Variants in ELP1 observed in about 807,000 individuals in gnomAD.
ELP1 encodes the protein elongator acetyltransferase complex subunit 1.
A neutral mutation model predicts 183.2 loss-of-function variants in ELP1; 131 were observed. That is an observed-to-expected ratio of 0.72 (90% CI 0.62 to 0.83). The LOEUF (loss-of-function observed/expected upper bound fraction) is 0.83, where lower values mean the gene tolerates loss of function less well. Among genes scored for constraint, ELP1 ranks in the 40% least tolerant of loss-of-function variants. The probability of loss-of-function intolerance (pLI) is 0.00; values close to 1 mark genes in which losing one functional copy is unlikely to be tolerated. For missense variants in ELP1, 1,550 were observed against 1,594.9 expected (o/e 0.97, Z 0.48); for synonymous variants, 555 against 569.0 (o/e 0.98, Z 0.35).
rs1460384191 is a variant in ELP1, at chr9:108,918,796, T to C, written c.740+15A>G. On this transcript the variant is annotated intron_variant, in intron 8 of 36. Coordinates refer to ENST00000374647, the MANE Select transcript of ELP1 (RefSeq NM_003640.5). ...TGGTTCCAAGAATTTCTCTAAGGTTTCTTCTCCCACTCACTTCCAAGCCAG... is the reference window on the plus strand; with the variant it reads ...TGGTTCCAAGAATTTCTCTAAGGTTCCTTCTCCCACTCACTTCCAAGCCAG... The C allele has an allele frequency of 6.3e-7, 1 of 1,597,514 alleles. No homozygotes were observed. Among genetic ancestry groups the C allele is most frequent in the African/African-American group, 1.3e-5 (1 of 74,600 alleles).
intron 26 of ELP1, among the ~76,000 whole-genome samples, 156 bp from the exon 27 acceptor site, chr9:108,893,239 T>G (rs1258891979): frequency 1.3e-5 from 2 of 152,204 alleles, no homozygotes; most frequent in African/African-American, 2.4e-5. Context: ...ATTTGAATTT[T>G]TAATGAGCAC....
rs186360877 is a variant in ELP1 at position 108,916,815 on chromosome 9, T to C, written c.865-518A>G. On this transcript the variant is annotated intron_variant, in intron 9 of 36. Coordinates refer to ENST00000374647, the MANE Select transcript of ELP1 (RefSeq NM_003640.5). ...CTACTGAAAGTGAGTAATAGTTACA[T>C]GGGAGTTCATTAAACTCGTCTCTCA... Among the ~76,000 whole-genome samples the C allele has an allele frequency of 3.9e-4, 60 of 152,328 alleles. 1 individual carries two copies. The East Asian group carries it at 0.011, about 28-fold the overall frequency.
intron 10 of ELP1, 86 bp from the exon 11 acceptor site, chr9:108,912,580 T>C (rs1587909221): frequency 2.1e-6 from 2 of 946,544 alleles, no homozygotes; most frequent in South Asian, 1.3e-5. Flanking sequence ...GGCAATCTTT[T>C]CTTTTTCAAA....
intron 6 of ELP1, among the ~76,000 whole-genome samples, chr9:108,920,180 A>G (rs1046490043): frequency 6.6e-6 from 1 of 152,122 alleles, no homozygotes; most frequent in Non-Finnish European, 1.5e-5. Context: ...TGAGTCATCT[A>G]TTCTAGAAGA....
chr9:108,870,633 T>C (rs1827414328), intron 36 of ELP1, among the ~76,000 whole-genome samples: 1 of 152,178 alleles, frequency 6.6e-6, no homozygotes, highest in Admixed American at 6.5e-5. Flanking sequence ...TCAGTGTCAC[T>C]AACTTTACAG....
In ELP1 at chr9:108,929,915, T is replaced by C; in HGVS notation, c.157A>G (p.Asn53Asp). 5 of 1,613,618 alleles carry C rather than the reference T, an allele frequency of 3.1e-6. No homozygotes were observed. Among genetic ancestry groups the C allele is most frequent in the East Asian group, 2.2e-5 (1 of 44,878 alleles). ...CCTTCTGCCACCAAAGAAACTTCAT[T>C]TTTCACCTTTCACCAAAGTAAACAC... ...EVDPVSREVK[N>D]EVSLVAEGFL... is the part of the protein sequence containing the mutation. Residue 53 changes from asparagine to aspartate, a missense_variant, in exon 3 of 37, where the codon AAT becomes GAT. Asn to Asp is a conservative substitution (Grantham distance 23). Transcript: ENST00000374647.
intron 13 of ELP1, among the ~76,000 whole-genome samples, chr9:108,906,889 AACTG>A (rs1829042851): frequency 6.6e-6 from 1 of 152,154 alleles, no homozygotes; most frequent in South Asian, 2.1e-4. Context: ...CCTCACATTA[AACTG>A]ACTGACTAGC....
At chr9:108,888,829 C>T (rs1482493722) in intron 29 of ELP1, among the ~76,000 whole-genome samples, 1 of 152,182 alleles carries the variant, frequency 6.6e-6, no homozygotes, top group Admixed American at 6.5e-5. Context: ...AGTCTGTGGC[C>T]AGTGTTACTG....
chr9:108,893,161 C>A, intron 26 of ELP1, 78 bp from the exon 27 acceptor site: 1 of 970,394 alleles, frequency 1.0e-6, no homozygotes, highest in Non-Finnish European at 1.7e-6. Context: ...CAATGGTCAC[C>A]AAACAAAATA....
rs995554626 is a variant in ELP1 at position 108,879,566 on chromosome 9, G to C, written c.3461-9C>G. 3.8e-6 allele frequency: 6 copies of C among 1,594,630 alleles called. No individual in the cohort carries two copies. The African/African-American group carries it at 4.0e-5, about 11-fold the overall frequency. ...GTGGGGTACCTCATCATCTAGAAAA[G>C]AAGAACCAGAAGCCGATGAAAACAC... is the stretch of plus-strand genomic sequence containing the variant. On this transcript the variant is annotated splice_polypyrimidine_tract_variant and intron_variant, in intron 32 of 36. Transcript: ENST00000374647.
intron 1 of ELP1, among the ~76,000 whole-genome samples, chr9:108,932,027 G>T (rs376242322): frequency 2.6e-5 from 4 of 152,292 alleles, no homozygotes; most frequent in African/African-American, 7.2e-5. Flanking sequence ...GCTTATGATT[G>T]TAAGTCCCTA....
intron 29 of ELP1, among the ~76,000 whole-genome samples, chr9:108,886,315 C>T (rs1828118770): frequency 6.6e-6 from 1 of 152,192 alleles, no homozygotes; most frequent in African/African-American, 2.4e-5. Flanking sequence ...CACCACCCCT[C>T]ATTTTTGTCA....
chr9:108,898,479 C>T (rs991706470), intron 22 of ELP1, 23 bp downstream of exon 22: 1 of 1,345,376 alleles, frequency 7.4e-7, no homozygotes, highest in Admixed American at 1.7e-5. Context: ...AAAAGATACA[C>T]ATGAATTATT....
In ELP1 at chr9:108,898,548, G is replaced by T; in HGVS notation, c.2317C>A (p.Gln773Lys). 6.2e-7 allele frequency: 1 copy of T among 1,601,756 alleles called. No individual in the cohort carries two copies. Among genetic ancestry groups the T allele is most frequent in the Non-Finnish European group, 8.5e-7 (1 of 1,170,100 alleles). ...FLGNVETFIK[Q>K]IDSVNHINLF... ...TTAATATGATTCACAGAATCTATCT[G>T]TTTAATGAAGGTTTCCACATTTCCA... Residue 773 changes from glutamine to lysine, a missense_variant, in exon 22 of 37, where the codon CAG becomes AAG. By Grantham distance (53) the Gln-to-Lys change is moderately conservative. Coordinates refer to ENST00000374647, the MANE Select transcript of ELP1 (RefSeq NM_003640.5).
intron 13 of ELP1, 59 bp from the exon 14 acceptor site, chr9:108,906,544 G>T: frequency 7.0e-7 from 1 of 1,433,682 alleles, no homozygotes; most frequent in Non-Finnish European, 9.8e-7. Context: ...CCACTGAGAC[G>T]TTCCTGGATG....
At position 108,911,086 on chromosome 9, in the gene ELP1, T is replaced by G; in HGVS notation, c.1284A>C (p.Thr428=). Reference sequence around the variant, plus strand: ...TACTCTTTTGAGGGTGTGCTAAGAATGTGACTTGATTCACAGGGTGTGGGA... The same window carrying G: ...TACTCTTTTGAGGGTGTGCTAAGAAGGTGACTTGATTCACAGGGTGTGGGA... The part of the protein sequence containing the change: ...LLFPHPVNQV[T]FLAHPQKSND... Residue 428 remains threonine, a synonymous_variant, in exon 12 of 37, where the codon ACA becomes ACC. Coordinates refer to ENST00000374647, the MANE Select transcript of ELP1 (RefSeq NM_003640.5). The G allele has an allele frequency of 1.2e-6, 2 of 1,614,158 alleles. No homozygotes were observed. Among genetic ancestry groups the G allele is most frequent in the East Asian group, 4.5e-5 (2 of 44,880 alleles).
In ELP1 at chr9:108,926,574, C is replaced by T; in HGVS notation, c.415G>A (p.Asp139Asn). Residue 139 changes from aspartate (D) to asparagine (N), a missense_variant, in exon 5 of 37, where the codon GAT (aspartate) becomes AAT (asparagine). Coordinates refer to ENST00000374647, the MANE Select transcript of ELP1 (RefSeq NM_003640.5). Reference protein sequence around the residue: ...GQQTLIMMTKDFEPILEQQIH... With the variant: ...GQQTLIMMTKNFEPILEQQIH... ...TGCTGCTCCAGGATTGGCTCAAAATCTTTTGTCATCATAATCAGGGTCTGT... is the reference window on the plus strand; with the variant it reads ...TGCTGCTCCAGGATTGGCTCAAAATTTTTTGTCATCATAATCAGGGTCTGT... 6.2e-7 allele frequency: 1 copy of T among 1,613,036 alleles called. No individual in the cohort carries two copies. Among genetic ancestry groups the T allele is most frequent in the South Asian group, 1.1e-5 (1 of 91,072 alleles).
chr9:108,908,329 G>T lies in ELP1; in HGVS notation c.1436C>A (p.Thr479Asn). Residue 479 changes from threonine to asparagine, a missense_variant, in exon 13 of 37, where the codon ACT (threonine) becomes AAT (asparagine). Thr to Asn is a moderately conservative substitution (Grantham distance 65). Transcript: ENST00000374647. Reference sequence around the variant, plus strand: ...CTTGTATCTCTTTTCCAAATGAGGAGTTCTAAGGCAAACTTTAAATCCACT... The same window carrying T: ...CTTGTATCTCTTTTCCAAATGAGGATTTCTAAGGCAAACTTTAAATCCACT... ...GGSGFKVCLR[T>N]PHLEKRYKIQ... is the part of the protein sequence containing the mutation. 4 of 1,613,856 alleles carry T rather than the reference G, an allele frequency of 2.5e-6. No homozygotes were observed. Among genetic ancestry groups the T allele is most frequent in the Non-Finnish European group, 3.4e-6 (4 of 1,179,738 alleles).
At chr9:108,920,380 C>T (rs1193954341) in intron 6 of ELP1, among the ~76,000 whole-genome samples, 3 of 151,406 alleles carry the variant, frequency 2.0e-5, no homozygotes, top group Non-Finnish European at 4.4e-5. Flanking sequence ...CTCCCAGGTA[C>T]AAGTGATTCT....
Sources: allele counts gnomAD v4.1 joint callset (sites outside exome capture counted in the v4.1 genomes callset), GRCh38; gene constraint gnomAD v4.1.1; transcripts MANE v1.5; gene names NCBI Gene and HGNC (gene_info 2026-07-23, HGNC 2026-07-21).